CFAP44: variants seen among roughly 807,000 people sequenced by gnomAD.
CFAP44 encodes cilia and flagella associated protein 44.
CFAP44 carries 134 observed loss-of-function variants against 216.2 expected under a neutral mutation model. The ratio of observed to expected loss-of-function variants is 0.62; its 90% CI spans 0.54 to 0.72. CFAP44 has a LOEUF of 0.72. Ranked by LOEUF, CFAP44 falls within the 30% of genes least tolerant of loss-of-function variation. The pLI is 0.00. For synonymous variants in CFAP44, 700 were observed against 727.6 expected, an observed-to-expected ratio of 0.96 and a Z score of 0.61; for missense variants, 2,035 against 2,182.1, an observed-to-expected ratio of 0.93 and a Z score of 1.34.
chr3:113,339,629 T>C (rs1049027912), intron 24 of CFAP44, among the ~76,000 whole-genome samples: 2 of 152,332 alleles, frequency 1.3e-5, no homozygotes, highest in Admixed American at 6.5e-5. Flanking sequence ...ACATTGTGCC[T>C]GTTGCCTGGC....
chr3:113,315,076 T>G (rs1306712237), intron 28 of CFAP44, among the ~76,000 whole-genome samples: 1 of 152,046 alleles, frequency 6.6e-6, no homozygotes, highest in African/African-American at 2.4e-5. Flanking sequence ...AGACAAGCTC[T>G]AAAATACCAA....
At chr3:113,437,016 G>A (rs1935254603) in intron 1 of CFAP44, among the ~76,000 whole-genome samples, 1 of 152,204 alleles carries the variant, frequency 6.6e-6, no homozygotes, top group African/African-American at 2.4e-5. Flanking sequence ...AGGCTCTGAG[G>A]AAGAATCTAC....
intron 2 of CFAP44, among the ~76,000 whole-genome samples, chr3:113,431,728 G>A (rs986195085): frequency 1.3e-5 from 2 of 152,146 alleles, no homozygotes; most frequent in African/African-American, 4.8e-5. Flanking sequence ...ACATGTCTGC[G>A]ATAGATTAAA....
At chr3:113,310,728 G>A (rs1006372134) in intron 28 of CFAP44, among the ~76,000 whole-genome samples, 3 of 152,238 alleles carry the variant, frequency 2.0e-5, no homozygotes, top group Admixed American at 6.5e-5. Flanking sequence ...GGAATCCCTC[G>A]AATAGTTTAG....
Position 113,404,002 on chromosome 3 carries a change from T to A in CFAP44, c.1020A>T (p.Ser340=). ...ELPDGKVLSG[S]EWGNMLLWEG... is the part of the protein sequence containing the mutation. The stretch of plus-strand genomic sequence containing the variant: ...CCCAAAGCAGCATGTTGCCCCATTC[T>A]GACCCTGAGAGCACCTGGCAGGTAT... Residue 340 remains serine, a synonymous_variant, in exon 9 of 35, where the codon TCA becomes TCT. Transcript: ENST00000393845. The A allele has an allele frequency of 1.2e-6, 2 of 1,613,558 alleles. No individual in the cohort carries two copies. Among genetic ancestry groups the A allele is most frequent in the East Asian group, 4.5e-5 (2 of 44,870 alleles).
intron 18 of CFAP44, among the ~76,000 whole-genome samples, chr3:113,371,954 G>A (rs1025808382): frequency 1.1e-4 from 17 of 152,150 alleles, no homozygotes; most frequent in Non-Finnish European, 1.8e-4. Context: ...AGACATTTAC[G>A]CAGCCAACAG....
Position 113,336,657 on chromosome 3 carries a change from G to A in CFAP44, c.3438-3074C>T, listed in dbSNP as rs189554618. On this transcript the variant is annotated intron_variant, in intron 24 of 34. Transcript: ENST00000393845. ...AAAGAAAACAGAAATCCAAAAAATAGAACAAACAGAAAACAAAATATAGAA... is the reference window on the plus strand; with the variant it reads ...AAAGAAAACAGAAATCCAAAAAATAAAACAAACAGAAAACAAAATATAGAA... Among the ~76,000 whole-genome samples, 83 of 151,794 alleles carry A rather than the reference G, an allele frequency of 5.5e-4. 1 individual carries two copies. The highest frequency in any genetic ancestry group is 1.0e-3 in the Non-Finnish European group (68 of 67,856).
Position 113,286,983 on chromosome 3 carries a change from G to T in CFAP44, c.*4574C>A. The T allele has an allele frequency of 9.9e-7, 1 of 1,014,026 alleles. No homozygotes were observed. The highest frequency in any genetic ancestry group is 1.5e-5 in the South Asian group (1 of 67,460). The allele number at this position is 1,014,026 out of a possible 1,614,324, so 62.8% of individuals were successfully genotyped here. A position where few individuals can be genotyped will look rare whatever the true frequency, so the allele number is the denominator to read the frequency against. On this transcript the variant is annotated 3_prime_UTR_variant, in exon 35 of 35. Transcript: ENST00000393845. The stretch of plus-strand genomic sequence containing the variant: ...ATTATAGCCATATTTATATATTTAT[G>T]CACTTGTAAATAAATGTATATGTTT...
rs542639558 is a variant in CFAP44 at position 113,439,440 on chromosome 3, G to C, written c.-6+2013C>G. Among the ~76,000 whole-genome samples, 28 of 152,234 alleles carry C rather than the reference G, an allele frequency of 1.8e-4. No individual in the cohort carries two copies. The South Asian group carries it at 4.4e-3, about 24-fold the overall frequency. On this transcript the variant is annotated intron_variant, in intron 1 of 34. Transcript: ENST00000393845. ...CCCAACAATTGCCTGTCCAACCTCA[G>C]ACTAGCATCACACTTATTGTTGATC...
intron 26 of CFAP44, among the ~76,000 whole-genome samples, chr3:113,328,745 A>AATTAAACT (rs1950215650): frequency 6.7e-6 from 1 of 148,882 alleles, no homozygotes; most frequent in South Asian, 2.1e-4. Flanking sequence ...GAGAAGAAAA[A>AATTAAACT]ATTAAACTTT....
chr3:113,416,678 A>G, intron 5 of CFAP44, 51 bp from the exon 6 acceptor site: 2 of 1,337,142 alleles, frequency 1.5e-6, no homozygotes, highest in East Asian at 4.9e-5. Context: ...TTTTTGTATA[A>G]ATAGTCTGAT....
chr3:113,407,107 CCAAA>C, intron 7 of CFAP44, 66 bp from the exon 8 acceptor site: 2 of 1,184,078 alleles, frequency 1.7e-6, no homozygotes, highest in Admixed American at 1.7e-5. Flanking sequence ...TTAATATGAC[CCAAA>C]CATTTACATA....
chr3:113,323,988 G>A (rs765225249), intron 28 of CFAP44, among the ~76,000 whole-genome samples: 3 of 147,412 alleles, frequency 2.0e-5, no homozygotes, highest in Non-Finnish European at 3.0e-5. Context: ...AGGTTGCAGT[G>A]AGCACAGATC....
intron 11 of CFAP44, 60 bp from the exon 12 acceptor site, chr3:113,400,704 A>C (rs1254697943): frequency 2.5e-4 from 358 of 1,430,812 alleles, no homozygotes; most frequent in Non-Finnish European, 3.2e-4. Flanking sequence ...AATTAAGATC[A>C]AGTTTAAAAA....
intron 2 of CFAP44, among the ~76,000 whole-genome samples, chr3:113,429,779 T>C (rs1329102300): frequency 6.6e-6 from 1 of 152,182 alleles, no homozygotes; most frequent in Admixed American, 6.5e-5. Context: ...AGAATTCTAT[T>C]TAAATTTCTG....
intron 7 of CFAP44, 74 bp from the exon 8 acceptor site, chr3:113,407,115 T>A: frequency 9.0e-7 from 1 of 1,109,494 alleles, no homozygotes; most frequent in Non-Finnish European, 1.4e-6. Context: ...ACCCAAACAT[T>A]TACATATTTC....
intron 22 of CFAP44, among the ~76,000 whole-genome samples, chr3:113,344,949 A>C (rs1950366818): frequency 6.6e-6 from 1 of 151,594 alleles, no homozygotes; most frequent in African/African-American, 2.4e-5. Context: ...TAATCACTAT[A>C]ATACCAGTGT....
Position 113,328,806 on chromosome 3 carries a change from T to A in CFAP44, c.4117-987A>T, listed in dbSNP as rs537357252. ...TGTTTGGGCTCCCCTTTAAAGCTTG[T>A]TTAACAAACTTGAATTATTCCTGCA... On this transcript the variant is annotated intron_variant, in intron 26 of 34. Coordinates refer to ENST00000393845, the MANE Select transcript of CFAP44 (RefSeq NM_001164496.2). Among the ~76,000 whole-genome samples, 8 of 151,834 alleles carry A rather than the reference T, an allele frequency of 5.3e-5. No homozygotes were observed. In the South Asian group the frequency reaches 1.3e-3, roughly 24 times the overall value.
intron 32 of CFAP44, among the ~76,000 whole-genome samples, chr3:113,301,198 C>A (rs1161696312): frequency 6.6e-6 from 1 of 152,022 alleles, no homozygotes; most frequent in Non-Finnish European, 1.5e-5. Flanking sequence ...TACGTCTACT[C>A]TTATGAATAT....
Sources: allele counts gnomAD v4.1 joint callset (sites outside exome capture counted in the v4.1 genomes callset), GRCh38; gene constraint gnomAD v4.1.1; transcripts MANE v1.5; gene names NCBI Gene and HGNC (gene_info 2026-07-23, HGNC 2026-07-21).